IGIP: variants seen among roughly 807,000 people sequenced by gnomAD.
The protein encoded by IGIP is IgA inducing protein.
IGIP carries 1 observed loss-of-function variant against 3.2 expected under a neutral mutation model. The ratio of observed to expected loss-of-function variants is 0.32; its 90% CI spans 0.11 to 1.50. The LOEUF (loss-of-function observed/expected upper bound fraction) is 1.50. Among genes scored for constraint, IGIP ranks in the 40% most tolerant of loss-of-function variants. The pLI, the probability that IGIP is intolerant of heterozygous loss-of-function variation, is 0.39. For missense variants in IGIP, 64 were observed against 69.0 expected (o/e 0.93, Z 0.26); for synonymous variants, 20 against 22.7 (o/e 0.88, Z 0.34).
rs538301634 is a variant in IGIP at position 140,128,225 on chromosome 5, G to T, written c.-252G>T. 1.4e-4 allele frequency: 45 copies of T among 322,222 alleles called. No homozygotes were observed. The highest frequency in any genetic ancestry group is 9.1e-4 in the African/African-American group (42 of 46,022). The allele number at this position is 322,222 out of a possible 1,614,324, so 20.0% of individuals were successfully genotyped here. A position where few individuals can be genotyped will look rare whatever the true frequency, so the allele number is the denominator to read the frequency against. ...TCAAAACAATATCCTTTCAGAAATA[G>T]AATTGTTCTTTAATATCTTTCCAAA... is the stretch of plus-strand genomic sequence containing the variant. On this transcript the variant is annotated 5_prime_UTR_variant, in exon 1 of 1. An upstream open reading frame in the 5' UTR loses its in-frame stop. Coordinates refer to ENST00000333305, the MANE Select transcript of IGIP (RefSeq NM_001007189.2).
Position 140,127,462 on chromosome 5 carries a change from A to C in IGIP, c.-1015A>C, listed in dbSNP as rs1416918520. On this transcript the variant is annotated 5_prime_UTR_variant, in exon 1 of 1. Coordinates refer to ENST00000333305, the MANE Select transcript of IGIP (RefSeq NM_001007189.2). ...TCAGGGAAGGCCGGAGTTCTGCTTTAATCTGGGTAACTGAGGCTAATATGA... is the reference window on the plus strand; with the variant it reads ...TCAGGGAAGGCCGGAGTTCTGCTTTCATCTGGGTAACTGAGGCTAATATGA... 1 of 167,058 alleles carries C rather than the reference A, an allele frequency of 6.0e-6. No individual in the cohort carries two copies. The highest frequency in any genetic ancestry group is 1.5e-5 in the Non-Finnish European group (1 of 68,120). 10.3% of individuals were successfully genotyped at this position (167,058 alleles called of 1,614,324 possible).
chr5:140,128,403 G>A lies in IGIP; in HGVS notation c.-74G>A. On this transcript the variant is annotated 5_prime_UTR_variant, in exon 1 of 1. Coordinates refer to ENST00000333305, the MANE Select transcript of IGIP (RefSeq NM_001007189.2). ...TGCACTGTTTGGGGACCCCATTTAA[G>A]AATGCTGAATTTTGCCAACTAAGAA... 1 of 1,184,416 alleles carries A rather than the reference G, an allele frequency of 8.4e-7. No homozygotes were observed. The highest frequency in any genetic ancestry group is 1.2e-6 in the Non-Finnish European group (1 of 836,690). 73.4% of individuals were successfully genotyped at this position (1,184,416 alleles called of 1,614,324 possible).
Position 140,129,375 on chromosome 5 carries a change from A to T in IGIP, c.*737A>T, listed in dbSNP as rs1763248899. On this transcript the variant is annotated 3_prime_UTR_variant, in exon 1 of 1. Coordinates refer to ENST00000333305, the MANE Select transcript of IGIP (RefSeq NM_001007189.2). ...CTCTTAGTTATTTGAAATATATAAT[A>T]AATTATTTTTAATAGTTGCCCTATT... is the stretch of plus-strand genomic sequence containing the variant. The T allele has an allele frequency of 6.6e-6, 1 of 152,324 alleles. No individual in the cohort carries two copies. Among genetic ancestry groups the T allele is most frequent in the East Asian group, 1.9e-4 (1 of 5,190 alleles). 9.4% of individuals were successfully genotyped at this position (152,324 alleles called of 1,614,324 possible).
rs1763246619 is a variant in IGIP at position 140,129,176 on chromosome 5, C to T, written c.*538C>T. The T allele has an allele frequency of 6.6e-6, 1 of 151,958 alleles. No homozygotes were observed. Among genetic ancestry groups the T allele is most frequent in the African/African-American group, 2.4e-5 (1 of 41,282 alleles). The allele number at this position is 151,958 out of a possible 1,614,324, so 9.4% of individuals were successfully genotyped here. Reference sequence around the variant, plus strand: ...TCATGGAAGGTTTTTTGTTTTCTGTCAGTTACAATAAAAAAAATGTAATTA... The same window carrying T: ...TCATGGAAGGTTTTTTGTTTTCTGTTAGTTACAATAAAAAAAATGTAATTA... On this transcript the variant is annotated 3_prime_UTR_variant, in exon 1 of 1. Transcript: ENST00000333305.
At position 140,127,309 on chromosome 5, in the gene IGIP, T is replaced by G. The variant is rs1013977657; in HGVS notation, c.-1168T>G. The G allele has an allele frequency of 6.0e-6, 1 of 167,168 alleles. No homozygotes were observed. Among genetic ancestry groups the G allele is most frequent in the Non-Finnish European group, 1.5e-5 (1 of 68,160 alleles). 10.4% of individuals were successfully genotyped at this position (167,168 alleles called of 1,614,324 possible). A position where few individuals can be genotyped will look rare whatever the true frequency, so the allele number is the denominator to read the frequency against. ...CTGTGGGGATGAAATTGGCCCTCTT[T>G]TAGCATAAGTTGGGGAGTGTGCACT... is the stretch of plus-strand genomic sequence containing the variant. On this transcript the variant is annotated 5_prime_UTR_variant, in exon 1 of 1. Transcript: ENST00000333305.
rs769487440 is a variant in IGIP at position 140,128,531 on chromosome 5, A to G, written c.55A>G (p.Ile19Val). The G allele has an allele frequency of 4.3e-6, 7 of 1,610,014 alleles. No homozygotes were observed. The highest frequency in any genetic ancestry group is 1.7e-5 in the Admixed American group (1 of 58,890). Reference protein sequence around the residue: ...KRSVSGCNITIFAVMFSHLSA... With the variant: ...KRSVSGCNITVFAVMFSHLSA... Reference sequence around the variant, plus strand: ...CAGTGTGTCGGGCTGTAATATTACCATATTTGCTGTCATGTTCTCCCATCT... The same window carrying G: ...CAGTGTGTCGGGCTGTAATATTACCGTATTTGCTGTCATGTTCTCCCATCT... The change falls in exon 1 of 1, where the codon ATA (isoleucine) becomes GTA (valine). Residue 19 changes from isoleucine (I) to valine (V), a missense_variant. Ile to Val is a conservative substitution (Grantham distance 29). Transcript: ENST00000333305.
Position 140,128,869 on chromosome 5 carries a change from G to T in IGIP, c.*231G>T. Reference sequence around the variant, plus strand: ...GGGGAAGGGGTCTGGTTGCGATCTTGGATTTTTTTTTTTTTTGATAGGTGG... The same window carrying T: ...GGGGAAGGGGTCTGGTTGCGATCTTTGATTTTTTTTTTTTTTGATAGGTGG... On this transcript the variant is annotated 3_prime_UTR_variant, in exon 1 of 1. Transcript: ENST00000333305. 5 of 447,804 alleles carry T rather than the reference G, an allele frequency of 1.1e-5. No homozygotes were observed. Among genetic ancestry groups the T allele is most frequent in the Middle Eastern group, 5.8e-4 (1 of 1,738 alleles). The allele number at this position is 447,804 out of a possible 1,614,324, so 27.7% of individuals were successfully genotyped here. A position where few individuals can be genotyped will look rare whatever the true frequency, so the allele number is the denominator to read the frequency against.
rs757841420 is a variant in IGIP, at chr5:140,128,505, G to A, written c.29G>A (p.Arg10His). The change falls in exon 1 of 1, where the codon CGC becomes CAC. Residue 10 changes from arginine (R) to histidine (H), a missense_variant. Arg to His is a conservative substitution (Grantham distance 29). Coordinates refer to ENST00000333305, the MANE Select transcript of IGIP (RefSeq NM_001007189.2). MCSYYHMKK[R>H]SVSGCNITIF... ...TGCAGTTATTATCACATGAAGAAAC[G>A]CAGTGTGTCGGGCTGTAATATTACC... 1.4e-5 allele frequency: 22 copies of A among 1,593,368 alleles called. No homozygotes were observed. Among genetic ancestry groups the A allele is most frequent in the Admixed American group, 5.5e-5 (3 of 55,040 alleles).
rs1763218815 is a variant in IGIP at position 140,126,817 on chromosome 5, G to C, written c.-1660G>C. 6.0e-6 allele frequency: 1 copy of C among 167,058 alleles called. No individual in the cohort carries two copies. Among genetic ancestry groups the C allele is most frequent in the African/African-American group, 2.4e-5 (1 of 41,436 alleles). The allele number at this position is 167,058 out of a possible 1,614,324, so 10.3% of individuals were successfully genotyped here. ...GTGCCCATCAGATATCTTAAAGTAA[G>C]CAGGGTTGGGACAGGTCACAGCTTG... On this transcript the variant is annotated 5_prime_UTR_variant, in exon 1 of 1. Transcript: ENST00000333305.
rs1194457282 is a variant in IGIP, at chr5:140,126,063, G to A, written c.-2414G>A. ...ATTAGTTTTATTAATGATTTTTGGT[G>A]CATGCCTTTGGGCTTATTCAAAAGT... is the stretch of plus-strand genomic sequence containing the variant. On this transcript the variant is annotated 5_prime_UTR_variant, in exon 1 of 1. Coordinates refer to ENST00000333305, the MANE Select transcript of IGIP (RefSeq NM_001007189.2). The A allele has an allele frequency of 6.0e-6, 1 of 166,978 alleles. No homozygotes were observed. Among genetic ancestry groups the A allele is most frequent in the South Asian group, 2.1e-4 (1 of 4,830 alleles). 10.3% of individuals were successfully genotyped at this position (166,978 alleles called of 1,614,324 possible).
chr5:140,126,456 T>C lies in IGIP; in HGVS notation c.-2021T>C, dbSNP rs1237928559. On this transcript the variant is annotated 5_prime_UTR_variant, in exon 1 of 1. Transcript: ENST00000333305. ...TAGCCCAAATACAACAGCTTTGGGT[T>C]AGCACACACATAAGAATCAAAAAAA... 1 of 167,090 alleles carries C rather than the reference T, an allele frequency of 6.0e-6. No homozygotes were observed. The highest frequency in any genetic ancestry group is 1.5e-5 in the Non-Finnish European group (1 of 68,120). 10.4% of individuals were successfully genotyped at this position (167,090 alleles called of 1,614,324 possible). A position where few individuals can be genotyped will look rare whatever the true frequency, so the allele number is the denominator to read the frequency against.
At position 140,129,118 on chromosome 5, in the gene IGIP, G is replaced by C. The variant is rs1257705264; in HGVS notation, c.*480G>C. On this transcript the variant is annotated 3_prime_UTR_variant, in exon 1 of 1. Transcript: ENST00000333305. ...AACCTAGCCATCATGTTGAAGAGAA[G>C]GGAAACCTTTTCCCAAAGATCATGC... 1.3e-5 allele frequency: 2 copies of C among 152,174 alleles called. 1 individual carries two copies. Among genetic ancestry groups the C allele is most frequent in the Non-Finnish European group, 2.9e-5 (2 of 68,174 alleles). The allele number at this position is 152,174 out of a possible 1,614,324, so 9.4% of individuals were successfully genotyped here. A position where few individuals can be genotyped will look rare whatever the true frequency, so the allele number is the denominator to read the frequency against.
In IGIP at chr5:140,128,667, T is replaced by C. The variant is rs1763240513; in HGVS notation, c.*29T>C. On this transcript the variant is annotated 3_prime_UTR_variant, in exon 1 of 1. Coordinates refer to ENST00000333305, the MANE Select transcript of IGIP (RefSeq NM_001007189.2). ...CTAGCGAGGTCTGCTGTACTGCTTA[T>C]TGAAGTATTGTGATTATTTTAGGCA... 3 of 1,571,182 alleles carry C rather than the reference T, an allele frequency of 1.9e-6. No homozygotes were observed. Among genetic ancestry groups the C allele is most frequent in the Non-Finnish European group, 2.6e-6 (3 of 1,156,128 alleles).
Position 140,128,044 on chromosome 5 carries a change from C to G in IGIP, c.-433C>G, listed in dbSNP as rs1453037247. ...AGTTAACACAGCTGACATGGTTGTG[C>G]TCTGTTTGAAAGTCTAAGAATAGGT... On this transcript the variant is annotated 5_prime_UTR_variant, in exon 1 of 1. Transcript: ENST00000333305. 1.7e-5 allele frequency: 3 copies of G among 173,156 alleles called. No individual in the cohort carries two copies. The highest frequency in any genetic ancestry group is 7.2e-5 in the African/African-American group (3 of 41,468). 10.7% of individuals were successfully genotyped at this position (173,156 alleles called of 1,614,324 possible).
chr5:140,128,966 T>C lies in IGIP; in HGVS notation c.*328T>C, dbSNP rs1417056455. On this transcript the variant is annotated 3_prime_UTR_variant, in exon 1 of 1. Transcript: ENST00000333305. The stretch of plus-strand genomic sequence containing the variant: ...GCTGCAAGCATTAAGTGTGCTCTCA[T>C]ACTAGAGAACTCTATCTTCTATTTT... 1 of 208,408 alleles carries C rather than the reference T, an allele frequency of 4.8e-6. No individual in the cohort carries two copies. The allele number at this position is 208,408 out of a possible 1,614,324, so 12.9% of individuals were successfully genotyped here. A position where few individuals can be genotyped will look rare whatever the true frequency, so the allele number is the denominator to read the frequency against.
rs779574619 is a variant in IGIP at position 140,128,507 on chromosome 5, A to G, written c.31A>G (p.Ser11Gly). 30 of 1,594,762 alleles carry G rather than the reference A, an allele frequency of 1.9e-5. No homozygotes were observed. The highest frequency in any genetic ancestry group is 1.4e-5 in the African/African-American group (1 of 73,716). The change falls in exon 1 of 1, where the codon AGT (serine) becomes GGT (glycine). Residue 11 changes from serine to glycine, a missense_variant. Physicochemically the swap from Ser to Gly is moderately conservative, Grantham distance 56. Coordinates refer to ENST00000333305, the MANE Select transcript of IGIP (RefSeq NM_001007189.2). MCSYYHMKKR[S>G]VSGCNITIFA... is the part of the protein sequence containing the mutation. ...CAGTTATTATCACATGAAGAAACGC[A>G]GTGTGTCGGGCTGTAATATTACCAT...
chr5:140,128,548 C>G lies in IGIP; in HGVS notation c.72C>G (p.Phe24Leu), dbSNP rs1179356582. The G allele has an allele frequency of 6.2e-7, 1 of 1,609,654 alleles. No homozygotes were observed. The highest frequency in any genetic ancestry group is 1.7e-5 in the Admixed American group (1 of 58,926). Residue 24 changes from phenylalanine (F) to leucine (L), a missense_variant, in exon 1 of 1, where the codon TTC becomes TTG. Coordinates refer to ENST00000333305, the MANE Select transcript of IGIP (RefSeq NM_001007189.2). The part of the protein sequence containing the change: ...GCNITIFAVM[F>L]SHLSAGKSPC... The stretch of plus-strand genomic sequence containing the variant: ...ATATTACCATATTTGCTGTCATGTT[C>G]TCCCATCTCAGTGCTGGGAAATCAC...
Position 140,126,893 on chromosome 5 carries a change from T to G in IGIP, c.-1584T>G, listed in dbSNP as rs1019952031. 3 of 167,076 alleles carry G rather than the reference T, an allele frequency of 1.8e-5. No individual in the cohort carries two copies. Among genetic ancestry groups the G allele is most frequent in the Non-Finnish European group, 2.9e-5 (2 of 68,134 alleles). 10.3% of individuals were successfully genotyped at this position (167,076 alleles called of 1,614,324 possible). A position where few individuals can be genotyped will look rare whatever the true frequency, so the allele number is the denominator to read the frequency against. ...CAGCCCCAGATTCAAGAATTGTATC[T>G]GCTTTCTTGGCAGTCGTCACTGAAC... On this transcript the variant is annotated 5_prime_UTR_variant, in exon 1 of 1. Transcript: ENST00000333305.
In IGIP at chr5:140,128,677, G is replaced by T; in HGVS notation, c.*39G>T. The T allele has an allele frequency of 6.5e-7, 1 of 1,547,682 alleles. No individual in the cohort carries two copies. The highest frequency in any genetic ancestry group is 8.8e-7 in the Non-Finnish European group (1 of 1,139,186). ...CTGCTGTACTGCTTATTGAAGTATT[G>T]TGATTATTTTAGGCATTGATTCTTA... is the stretch of plus-strand genomic sequence containing the variant. On this transcript the variant is annotated 3_prime_UTR_variant, in exon 1 of 1. Transcript: ENST00000333305.
Sources: allele counts gnomAD v4.1 joint callset, GRCh38; gene constraint gnomAD v4.1.1; transcripts MANE v1.5; gene names NCBI Gene and HGNC (gene_info 2026-07-23, HGNC 2026-07-21).